Variants in MAN1A1 observed in about 807,000 individuals in gnomAD.
MAN1A1 encodes mannosyl-oligosaccharide 1,2-alpha-mannosidase IA.
A neutral mutation model predicts 70.8 loss-of-function variants in MAN1A1; 29 were observed. The observed-to-expected ratio is 0.41, with a 90% CI of 0.31 to 0.56. The LOEUF is 0.56. MAN1A1 is among the 20% of genes least tolerant of loss of function. The probability of loss-of-function intolerance (pLI) is 0.29; values close to 1 mark genes in which losing one functional copy is unlikely to be tolerated. For missense variants in MAN1A1, 747 were observed against 841.3 expected, an observed-to-expected ratio of 0.89 and a Z score of 1.39; for synonymous variants, 349 against 330.1, an observed-to-expected ratio of 1.06 and a Z score of -0.62.
intron 9 of MAN1A1, among the ~76,000 whole-genome samples, chr6:119,190,424 A>G (rs1773413205): frequency 1.3e-5 from 2 of 152,186 alleles, no homozygotes; most frequent in Admixed American, 1.3e-4. Flanking sequence ...CACTATCTCT[A>G]ATTTGTGGGA....
At chr6:119,197,570 C>T (rs1167891292) in intron 8 of MAN1A1, among the ~76,000 whole-genome samples, 2 of 152,052 alleles carry the variant, frequency 1.3e-5, no homozygotes, top group Non-Finnish European at 2.9e-5. Context: ...AAAGTGGATG[C>T]TAATAAATCC....
At chr6:119,264,417 A>G (rs1289551186) in intron 5 of MAN1A1, among the ~76,000 whole-genome samples, 1 of 152,234 alleles carries the variant, frequency 6.6e-6, no homozygotes, top group Non-Finnish European at 1.5e-5. Flanking sequence ...AAAATTGTTA[A>G]TAATCTTTAG....
At position 119,196,647 on chromosome 6, in the gene MAN1A1, AT is replaced by A. The variant is rs1393081545; in HGVS notation, c.1211-2756del. 2.6e-5 allele frequency among the ~76,000 whole-genome samples: 4 copies of A among 152,344 alleles called. No individual in the cohort carries two copies. In the East Asian group the frequency reaches 7.7e-4, roughly 29 times the overall value. The stretch of plus-strand genomic sequence containing the variant: ...TCATAAGAATAGGTCCCATAAAAGG[AT>A]TTCTAATATCTAAAAAAGAGAAAAA... On this transcript the variant is annotated intron_variant, in intron 8 of 12. Transcript: ENST00000368468.
At chr6:119,317,974 T>C (rs1772901028) in intron 2 of MAN1A1, among the ~76,000 whole-genome samples, 1 of 152,164 alleles carries the variant, frequency 6.6e-6, no homozygotes, top group Non-Finnish European at 1.5e-5. Flanking sequence ...CTAGAATCCA[T>C]GATCTTGTAA....
rs79958227 is a variant in MAN1A1, at chr6:119,227,152, A to G, written c.992+21108T>C. On this transcript the variant is annotated intron_variant, in intron 6 of 12. Coordinates refer to ENST00000368468, the MANE Select transcript of MAN1A1 (RefSeq NM_005907.4). ...TAATGAACCGCAAACACCATGCTGT[A>G]CCAAAAAAAACTATACAGCAGAGTA... Among the ~76,000 whole-genome samples, 905 of 152,308 alleles carry G rather than the reference A, an allele frequency of 5.9e-3. 30 individuals carry two copies. The East Asian group carries it at 0.091, about 15-fold the overall frequency.
chr6:119,274,253 T>C (rs1775996374), intron 5 of MAN1A1, among the ~76,000 whole-genome samples: 1 of 152,228 alleles, frequency 6.6e-6, no homozygotes, highest in Non-Finnish European at 1.5e-5. Context: ...TTTTATGATA[T>C]ATGACAATAA....
chr6:119,216,434 A>G (rs146232189), intron 6 of MAN1A1, among the ~76,000 whole-genome samples: 3 of 152,284 alleles, frequency 2.0e-5, no homozygotes, highest in Non-Finnish European at 4.4e-5. Flanking sequence ...ATTTGGGGAT[A>G]AGGGAAGACA....
Position 119,311,691 on chromosome 6 carries a change from A to G in MAN1A1, c.604-4699T>C, listed in dbSNP as rs74954228. On this transcript the variant is annotated intron_variant, in intron 2 of 12. Coordinates refer to ENST00000368468, the MANE Select transcript of MAN1A1 (RefSeq NM_005907.4). ...TCACCATGCAGAAGGGGAGGAGGAC[A>G]AAGGAACTCCCAAGGGAGAGGTGCA... Among the ~76,000 whole-genome samples, 895 of 152,226 alleles carry G rather than the reference A, an allele frequency of 5.9e-3. 31 individuals are homozygous for G. In the East Asian group the frequency reaches 0.09, roughly 15 times the overall value.
chr6:119,297,733 T>TC (rs1231478154), intron 4 of MAN1A1, among the ~76,000 whole-genome samples: 4 of 127,866 alleles, frequency 3.1e-5, no homozygotes, highest in African/African-American at 8.9e-5. Context: ...CTAAATAGTT[T>TC]CCTTTTTTTT....
intron 4 of MAN1A1, among the ~76,000 whole-genome samples, chr6:119,298,680 C>A (rs1772294882): frequency 6.6e-6 from 1 of 151,242 alleles, no homozygotes; most frequent in African/African-American, 2.4e-5. Flanking sequence ...CACTGCAACC[C>A]CTGCCTCCCA....
At chr6:119,212,070 A>T (rs554930242) in intron 6 of MAN1A1, among the ~76,000 whole-genome samples, 10 of 151,512 alleles carry the variant, frequency 6.6e-5, no homozygotes, top group African/African-American at 2.4e-4. Flanking sequence ...TCGATCTCCC[A>T]ACCTCATGAT....
chr6:119,196,483 T>G (rs1294115576), intron 8 of MAN1A1, among the ~76,000 whole-genome samples: 1 of 152,088 alleles, frequency 6.6e-6, no homozygotes, highest in Admixed American at 6.5e-5. Flanking sequence ...CAGGCCCGAA[T>G]TTATCAGCAG....
chr6:119,345,724 A>G (rs575592861), intron 2 of MAN1A1, among the ~76,000 whole-genome samples: 71 of 152,364 alleles, frequency 4.7e-4, no homozygotes, highest in Non-Finnish European at 9.1e-4. Context: ...GTCTTCCAAC[A>G]TGTTAGACTT....
rs577093176 is a variant in MAN1A1 at position 119,241,692 on chromosome 6, G to T, written c.992+6568C>A. Among the ~76,000 whole-genome samples, 6 of 152,220 alleles carry T rather than the reference G, an allele frequency of 3.9e-5. No homozygotes were observed. In the South Asian group the frequency reaches 1.2e-3, roughly 32 times the overall value. On this transcript the variant is annotated intron_variant, in intron 6 of 12. Transcript: ENST00000368468. ...ATTAAATTGACCATCAGTGAATAGGGAAACGTTTTAAACCCAATGTTTTCA... is the reference window on the plus strand; with the variant it reads ...ATTAAATTGACCATCAGTGAATAGGTAAACGTTTTAAACCCAATGTTTTCA...
chr6:119,252,989 G>A (rs1775365400), intron 5 of MAN1A1, among the ~76,000 whole-genome samples: 1 of 151,832 alleles, frequency 6.6e-6, no homozygotes, highest in Non-Finnish European at 1.5e-5. Flanking sequence ...AGGCAAGTTG[G>A]AAAGGTGAAA....
chr6:119,270,715 C>T (rs6941142), intron 5 of MAN1A1, among the ~76,000 whole-genome samples: 6,286 of 152,274 alleles, frequency 0.041, 147 homozygotes, highest in African/African-American at 0.054. Context: ...GTCATTTACA[C>T]CTGAAAGTCA....
chr6:119,302,407 A>C (rs1418175008), intron 3 of MAN1A1, among the ~76,000 whole-genome samples: 1 of 150,034 alleles, frequency 6.7e-6, no homozygotes, highest in East Asian at 2.0e-4. Flanking sequence ...TTTGAGATGG[A>C]GTCTCATTCT....
At chr6:119,233,357 G>A (rs760830406) in intron 6 of MAN1A1, among the ~76,000 whole-genome samples, 5 of 151,836 alleles carry the variant, frequency 3.3e-5, no homozygotes, top group Non-Finnish European at 5.9e-5. Flanking sequence ...AGAGTGTGCC[G>A]CAAATTTAGT....
chr6:119,272,093 T>C (rs1297506846), intron 5 of MAN1A1, among the ~76,000 whole-genome samples: 1 of 152,224 alleles, frequency 6.6e-6, no homozygotes, highest in Non-Finnish European at 1.5e-5. Flanking sequence ...AATATCGGTG[T>C]AGTCATAACC....
Sources: gnomAD v4.1 joint callset for allele counts (sites outside exome capture counted in the v4.1 genomes callset) on GRCh38, gnomAD v4.1.1 for gene constraint, MANE v1.5 for transcripts, NCBI Gene and HGNC (gene_info 2026-07-23, HGNC 2026-07-21) for gene names.